The following AKIRIN2 variants were observed in gnomAD, a reference collection of about 807,000 sequenced individuals.
The protein encoded by AKIRIN2 is akirin 2.
AKIRIN2 carries 6 observed loss-of-function variants against 29.3 expected under a neutral mutation model. The ratio of observed to expected loss-of-function variants is 0.20; its 90% CI spans 0.11 to 0.40. AKIRIN2 has a LOEUF of 0.40. AKIRIN2 is among the 10% of genes least tolerant of loss of function. The pLI, the probability that AKIRIN2 is intolerant of heterozygous loss-of-function variation, is 1.00. For missense variants in AKIRIN2, 210 were observed against 276.1 expected (o/e 0.76, Z 1.70); for synonymous variants, 128 against 117.5 (o/e 1.09, Z -0.58).
intron 2 of AKIRIN2, 28 bp from the exon 3 acceptor site, chr6:87,677,995 A>G (rs1771052318): frequency 6.3e-7 from 1 of 1,597,730 alleles, no homozygotes. Flanking sequence ...AAAAAATAGC[A>G]CCTGGTTTAG....
rs1335131091 is a variant in AKIRIN2 at position 87,694,232 on chromosome 6, T to C, written c.235+7218A>G. 3.3e-5 allele frequency among the ~76,000 whole-genome samples: 5 copies of C among 152,198 alleles called. No homozygotes were observed. The East Asian group carries it at 9.6e-4, about 29-fold the overall frequency. ...AATACACATCATATACTGACACAAT[T>C]TCAGAAACTTAGTAAACAAGCCTTA... is the stretch of plus-strand genomic sequence containing the variant. On this transcript the variant is annotated intron_variant, in intron 1 of 4. Transcript: ENST00000257787.
At chr6:87,686,776 T>C (rs1378883006) in intron 1 of AKIRIN2, among the ~76,000 whole-genome samples, 1 of 151,982 alleles carries the variant, frequency 6.6e-6, no homozygotes, top group Non-Finnish European at 1.5e-5. Context: ...CCGGGCGCGG[T>C]AGTTCATGCC....
intron 3 of AKIRIN2, 143 bp from the exon 4 acceptor site, chr6:87,676,074 A>T: frequency 1.5e-6 from 1 of 645,372 alleles, no homozygotes; most frequent in East Asian, 2.8e-5. Flanking sequence ...AGTGTATCAA[A>T]TAAAAACAGC....
intron 1 of AKIRIN2, among the ~76,000 whole-genome samples, chr6:87,700,174 G>T (rs1333364491): frequency 6.6e-6 from 1 of 150,796 alleles, no homozygotes; most frequent in Non-Finnish European, 1.5e-5. Context: ...AAAACAGTAT[G>T]TCCTTAAATT....
chr6:87,700,266 A>AC (rs1232828469), intron 1 of AKIRIN2, among the ~76,000 whole-genome samples: 3 of 53,462 alleles, frequency 5.6e-5, no homozygotes, highest in African/African-American at 1.1e-4. Flanking sequence ...TTTAAATGTG[A>AC]CAAAAAAAAA....
At chr6:87,691,877 C>CT in intron 1 of AKIRIN2, among the ~76,000 whole-genome samples, 1 of 152,276 alleles carries the variant, frequency 6.6e-6, no homozygotes, top group East Asian at 1.9e-4. Context: ...TATTTGAAAG[C>CT]TCTCTGAATT....
chr6:87,682,284 A>G (rs1394729757), intron 1 of AKIRIN2, among the ~76,000 whole-genome samples: 1 of 152,246 alleles, frequency 6.6e-6, no homozygotes, highest in Non-Finnish European at 1.5e-5. Context: ...GTCATCATAC[A>G]TTAAATGGCC....
chr6:87,699,008 T>C (rs1771415713), intron 1 of AKIRIN2, among the ~76,000 whole-genome samples: 1 of 152,246 alleles, frequency 6.6e-6, no homozygotes, highest in Admixed American at 6.5e-5. Flanking sequence ...ATTTGTATTA[T>C]ATTTGAACTC....
intron 1 of AKIRIN2, among the ~76,000 whole-genome samples, chr6:87,695,867 A>G (rs2754262): frequency 0.63 from 95,122 of 152,080 alleles, 30,919 homozygotes; most frequent in African/African-American, 0.81. Context: ...GTCTTTCTAG[A>G]TCTATCAAAA....
intron 3 of AKIRIN2, among the ~76,000 whole-genome samples, chr6:87,677,041 C>T (rs1472252143): frequency 2.0e-5 from 3 of 150,136 alleles, no homozygotes; most frequent in Non-Finnish European, 4.4e-5. Flanking sequence ...TGCGCCACTG[C>T]ACTCCAGCCT....
At position 87,677,946 on chromosome 6, in the gene AKIRIN2, G is replaced by A; in HGVS notation, c.401C>T (p.Ser134Leu). 6.2e-7 allele frequency: 1 copy of A among 1,613,784 alleles called. No individual in the cohort carries two copies. Among genetic ancestry groups the A allele is most frequent in the Non-Finnish European group, 8.5e-7 (1 of 1,179,912 alleles). Residue 134 changes from serine (S) to leucine (L), a missense_variant, in exon 3 of 5, where the codon TCA (serine) becomes TTA (leucine). By Grantham distance (145) the Ser-to-Leu change is moderately radical. Around this residue, in one of 2 missense-constraint regions of AKIRIN2, gnomAD observed 199 missense variants for 236.5 expected, o/e 0.84. Transcript: ENST00000257787. ...ASPGTSSAAS[S>L]PLKKEQPLFT... Reference sequence around the variant, plus strand: ...TAAGGGCTGTTCTTTTTTTAATGGTGAGGATGCTGCAGATGAAGTCCCTAT... The same window carrying A: ...TAAGGGCTGTTCTTTTTTTAATGGTAAGGATGCTGCAGATGAAGTCCCTAT...
chr6:87,675,249 T>C lies in AKIRIN2; in HGVS notation c.*348A>G, dbSNP rs978973967. On this transcript the variant is annotated 3_prime_UTR_variant, in exon 5 of 5. Transcript: ENST00000257787. The stretch of plus-strand genomic sequence containing the variant: ...CACAATTAAAATCACACTAACTTCA[T>C]CTGAAGTGTCATTCTACAGTTTTAT... The C allele has an allele frequency of 6.8e-6, 2 of 295,412 alleles. No individual in the cohort carries two copies. The highest frequency in any genetic ancestry group is 1.3e-5 in the Non-Finnish European group (2 of 156,196). The allele number at this position is 295,412 out of a possible 1,614,324, so 18.3% of individuals were successfully genotyped here.
intron 1 of AKIRIN2, among the ~76,000 whole-genome samples, chr6:87,693,061 C>T (rs1299294322): frequency 6.6e-6 from 1 of 151,916 alleles, no homozygotes; most frequent in African/African-American, 2.4e-5. Flanking sequence ...AACCTCATCT[C>T]TACTAAAAAT....
chr6:87,695,559 A>T (rs1771346997), intron 1 of AKIRIN2, among the ~76,000 whole-genome samples: 1 of 152,188 alleles, frequency 6.6e-6, no homozygotes, highest in Non-Finnish European at 1.5e-5. Context: ...TATATAGAGA[A>T]CGTTCTTTGA....
At chr6:87,686,865 A>T (rs571359916) in intron 1 of AKIRIN2, among the ~76,000 whole-genome samples, 1 of 151,670 alleles carries the variant, frequency 6.6e-6, no homozygotes, top group Non-Finnish European at 1.5e-5. Flanking sequence ...GGCCAACATG[A>T]CGAAACCCTG....
chr6:87,677,689 T>C (rs1582115878), intron 3 of AKIRIN2, 129 bp downstream of exon 3: 1 of 1,182,898 alleles, frequency 8.5e-7, no homozygotes, highest in Admixed American at 2.4e-5. Context: ...TTTTCTTTCC[T>C]GAACTGAAAT....
In AKIRIN2 at chr6:87,676,326, A is replaced by G. The variant is rs368293445; in HGVS notation, c.530-395T>C. ...AAAAATACAAAAAAATTAGCTGGGC[A>G]TGGTGGCAGGCCGCCTGTAGTCCCA... On this transcript the variant is annotated intron_variant, in intron 3 of 4. Coordinates refer to ENST00000257787, the MANE Select transcript of AKIRIN2 (RefSeq NM_018064.4). Among the ~76,000 whole-genome samples the G allele has an allele frequency of 1.7e-3, 261 of 149,926 alleles. 1 individual carries two copies. The highest frequency in any genetic ancestry group is 5.3e-3 in the African/African-American group (215 of 40,616).
intron 2 of AKIRIN2, among the ~76,000 whole-genome samples, chr6:87,680,772 CTTTTT>C (rs56332105): frequency 4.0e-5 from 4 of 99,248 alleles, no homozygotes; most frequent in Admixed American, 2.3e-4. Flanking sequence ...CGCCCCCCCC[CTTTTT>C]TTTTTTTTTA....
chr6:87,678,059 A>G, intron 2 of AKIRIN2, 92 bp from the exon 3 acceptor site: 2 of 1,166,470 alleles, frequency 1.7e-6, no homozygotes, highest in Non-Finnish European at 2.3e-6. Context: ...GATCTCTTCA[A>G]TCTTGATATA....
Sources: gnomAD v4.1 joint callset for allele counts (sites outside exome capture counted in the v4.1 genomes callset) on GRCh38, gnomAD v4.1.1 for gene constraint, gnomAD v4.1.1 regional missense constraint, MANE v1.5 for transcripts, NCBI Gene and HGNC (gene_info 2026-07-23, HGNC 2026-07-21) for gene names.